GLRA2: variants seen among roughly 807,000 people sequenced by gnomAD.
The protein encoded by GLRA2 is glycine receptor subunit alpha-2.
Under a neutral mutation model 31.6 loss-of-function variants are expected in GLRA2, and 11 were observed. The observed-to-expected ratio is 0.35, with a 90% CI of 0.22 to 0.58. GLRA2 has a LOEUF of 0.58. GLRA2 is among the 20% of genes least tolerant of loss of function. The pLI, the probability that GLRA2 is intolerant of heterozygous loss-of-function variation, is 0.84. For synonymous variants in GLRA2, 132 were observed against 134.0 expected (o/e 0.99, Z 0.10); for missense variants, 212 against 351.8 (o/e 0.60, Z 3.18).
intron 7 of GLRA2, among the ~76,000 whole-genome samples, chrX:14,649,304 A>G (rs907914320): frequency 1.5e-4 from 17 of 111,787 alleles, no homozygotes; most frequent in Non-Finnish European, 9.4e-5. Flanking sequence ...ATATACATCT[A>G]CACAGAGACT....
At chrX:14,504,217 TATAACTC>T in the GLRA2 span, among the ~76,000 whole-genome samples, 6 of 111,671 alleles carry the variant, frequency 5.4e-5, no homozygotes, top group African/African-American at 9.8e-5. Context: ...GAGGCAAAAA[TATAACTC>T]AGTGTATACT....
At chrX:14,467,982 C>T in the GLRA2 span, among the ~76,000 whole-genome samples, 18 of 111,616 alleles carry the variant, frequency 1.6e-4, no homozygotes, top group Admixed American at 1.6e-3. Flanking sequence ...CAGGTCTGTT[C>T]ATAGTCATCC....
In GLRA2 at chrX:14,643,492, A is replaced by G. The variant is rs768938686; in HGVS notation, c.930+34287A>G. 6.3e-5 allele frequency among the ~76,000 whole-genome samples: 7 copies of G among 111,786 alleles called. No homozygotes were observed. In the South Asian group the frequency reaches 2.6e-3, roughly 42 times the overall value. ...GGGTTAGTTTGGGTTATTTGAAATC[A>G]TGGGGTTATTTCACTAGAAAGAGAC... On this transcript the variant is annotated intron_variant, in intron 7 of 8. Coordinates refer to ENST00000218075, the MANE Select transcript of GLRA2 (RefSeq NM_002063.4).
At position 14,567,988 on chromosome X, in the gene GLRA2, T is replaced by C. The variant is rs934434447; in HGVS notation, c.203-6345T>C. ...AAAAATCAAAGAAGACCTAAATAAA[T>C]GGAAAAACATCCCTTATTAAGTCAT... On this transcript the variant is annotated intron_variant, in intron 2 of 8. Transcript: ENST00000218075. Among the ~76,000 whole-genome samples, 5 of 112,005 alleles carry C rather than the reference T, an allele frequency of 4.5e-5. No homozygotes were observed. In the East Asian group the frequency reaches 1.4e-3, roughly 31 times the overall value.
intron 7 of GLRA2, among the ~76,000 whole-genome samples, chrX:14,683,529 T>G (rs1406901257): frequency 9.0e-6 from 1 of 111,587 alleles, no homozygotes; most frequent in African/African-American, 3.3e-5. Context: ...TTTCTTTTGC[T>G]GTGCAGAAGC....
intron 2 of GLRA2, among the ~76,000 whole-genome samples, chrX:14,543,157 C>T (rs1476412708): frequency 1.9e-5 from 2 of 102,698 alleles, no homozygotes; most frequent in East Asian, 6.1e-4. Context: ...ACTCATGAGG[C>T]CTGATTTTAA....
intron 2 of GLRA2, among the ~76,000 whole-genome samples, chrX:14,538,867 G>C (rs1380755899): frequency 9.0e-6 from 1 of 111,598 alleles, no homozygotes; most frequent in Non-Finnish European, 1.9e-5. Flanking sequence ...ATTTAAAAGA[G>C]AGCATTTGGT....
chrX:14,691,787 G>C (rs747768574), intron 8 of GLRA2, among the ~76,000 whole-genome samples: 1 of 111,825 alleles, frequency 8.9e-6, no homozygotes, highest in Non-Finnish European at 1.9e-5. Context: ...CTCTGGGAGA[G>C]AAACATACCC....
rs779496815 is a variant in GLRA2, at chrX:14,726,095, CCTAA to C, written c.1081-4109_1081-4106del. On this transcript the variant is annotated intron_variant, in intron 8 of 8. Coordinates refer to ENST00000218075, the MANE Select transcript of GLRA2 (RefSeq NM_002063.4). The stretch of plus-strand genomic sequence containing the variant: ...ATTAATTATTTCCTTACTGGAAGGA[CCTAA>C]CTGAGTCTACCTGTAAATATGCTCA... Among the ~76,000 whole-genome samples the C allele has an allele frequency of 8.0e-5, 9 of 112,272 alleles. No individual in the cohort carries two copies. In the South Asian group the frequency reaches 2.2e-3, roughly 28 times the overall value.
chrX:14,691,276 T>A (rs1426644658), intron 8 of GLRA2, among the ~76,000 whole-genome samples: 116 of 8,921 alleles, frequency 0.013, 1 homozygote, highest in African/African-American at 0.027. Context: ...ATTGACTGTG[T>A]GTGTGTGTGT....
At position 14,720,450 on chromosome X, in the gene GLRA2, G is replaced by T. The variant is rs141595958; in HGVS notation, c.1081-9757G>T. Among the ~76,000 whole-genome samples, 332 of 111,849 alleles carry T rather than the reference G, an allele frequency of 3.0e-3. 1 individual carries two copies. The highest frequency in any genetic ancestry group is 9.7e-3 in the African/African-American group (298 of 30,827). On this transcript the variant is annotated intron_variant, in intron 8 of 8. Coordinates refer to ENST00000218075, the MANE Select transcript of GLRA2 (RefSeq NM_002063.4). ...GAAAACCTGGGAACTAAAGAGACAA[G>T]GTATCTGCTCCACTTACTCAACAGA...
the GLRA2 span, among the ~76,000 whole-genome samples, chrX:14,462,342 G>C: frequency 9.0e-6 from 1 of 110,682 alleles, no homozygotes; most frequent in Non-Finnish European, 1.9e-5. Context: ...TGCTCTTCTC[G>C]AGGAGTATCT....
chrX:14,622,922 C>T (rs1420647208), intron 7 of GLRA2, among the ~76,000 whole-genome samples: 3 of 111,842 alleles, frequency 2.7e-5, no homozygotes, highest in African/African-American at 9.8e-5. Flanking sequence ...GGCATTGAAT[C>T]TATAAATTAC....
At chrX:14,570,014 G>A (rs925381485) in intron 2 of GLRA2, among the ~76,000 whole-genome samples, 1 of 111,737 alleles carries the variant, frequency 8.9e-6, no homozygotes, top group African/African-American at 3.2e-5. Flanking sequence ...AATATTATAC[G>A]GTTCCACTTA....
At chrX:14,681,107 G>A (rs887116523) in intron 7 of GLRA2, among the ~76,000 whole-genome samples, 13 of 112,031 alleles carry the variant, frequency 1.2e-4, no homozygotes, top group African/African-American at 1.6e-4. Flanking sequence ...CACAACGTGC[G>A]GGTTTGTTAC....
At chrX:14,581,039 T>C (rs2090010903) in intron 3 of GLRA2, 144 bp from the exon 4 acceptor site, 1 of 441,742 alleles carries the variant, frequency 2.3e-6, no homozygotes, top group East Asian at 3.6e-5. Flanking sequence ...TAGAACTAAA[T>C]GGTTTATTTT....
At chrX:14,471,108 T>C in the GLRA2 span, among the ~76,000 whole-genome samples, 8 of 111,999 alleles carry the variant, frequency 7.1e-5, no homozygotes, top group East Asian at 2.2e-3. Context: ...CAGGCTCTCA[T>C]CCTAAGAACT....
chrX:14,684,412 T>C (rs1436035506), intron 7 of GLRA2, among the ~76,000 whole-genome samples: 1 of 111,867 alleles, frequency 8.9e-6, no homozygotes, highest in African/African-American at 3.3e-5. Flanking sequence ...TTGGGCAGTA[T>C]GGCCATTTTC....
chrX:14,690,649 T>C lies in GLRA2; in HGVS notation c.931-61T>C, dbSNP rs768444113. On this transcript the variant is annotated intron_variant, in intron 7 of 8. Transcript: ENST00000218075. ...AATCTGGTTTCCTGGCAGGCTTTCA[T>C]AGTCTTTCTTTCTCTCTCTCTCTCT... is the stretch of plus-strand genomic sequence containing the variant. 4.3e-5 allele frequency: 36 copies of C among 833,926 alleles called. No individual in the cohort carries two copies. The African/African-American group carries it at 5.3e-4, about 12-fold the overall frequency. 68.7% of individuals were successfully genotyped at this position (833,926 alleles called of 1,213,427 possible).
Sources: allele counts gnomAD v4.1 joint callset (sites outside exome capture counted in the v4.1 genomes callset), GRCh38; gene constraint gnomAD v4.1.1; transcripts MANE v1.5; gene names NCBI Gene and HGNC (gene_info 2026-07-23, HGNC 2026-07-21).